The following RUNX1 variants were observed in gnomAD, a reference collection of about 807,000 sequenced individuals.
RUNX1 encodes the protein RUNX family transcription factor 1, also known as runt-related transcription factor 1.
RUNX1 carries 19 observed loss-of-function variants against 42.8 expected under a neutral mutation model. The observed-to-expected ratio is 0.44, with a 90% confidence interval of 0.31 to 0.65. The LOEUF (loss-of-function observed/expected upper bound fraction) is 0.65, where lower values mean the gene tolerates loss of function less well. Ranked by LOEUF, RUNX1 falls within the 30% of genes least tolerant of loss-of-function variation. RUNX1 has a pLI of 0.07. For missense variants in RUNX1, 528 were observed against 672.0 expected, an observed-to-expected ratio of 0.79 and a Z score of 2.37; for synonymous variants, 271 against 289.4, an observed-to-expected ratio of 0.94 and a Z score of 0.64.
chr21:34,792,359 A>G lies in RUNX1; in HGVS notation c.1219T>C (p.Tyr407His), dbSNP rs1262717333. ...QASSPSYHLY[Y>H]GASAGSYQFS... ...TGGTAGGAGCCGGCCGAGGCGCCGT[A>G]GTACAGGTGGTAGGAGGGCGAGCTG... Residue 407 changes from tyrosine (Y) to histidine (H), a missense_variant, in exon 9 of 9, where the codon TAC becomes CAC. Physicochemically the swap from Tyr to His is moderately conservative, Grantham distance 83 (BLOSUM62 2). Coordinates refer to ENST00000675419, the MANE Select transcript of RUNX1 (RefSeq NM_001754.5). The surrounding 1 kb of genome is among the most constrained non-coding windows in gnomAD (Gnocchi z 6.9). 4 of 1,550,476 alleles carry G rather than the reference A, an allele frequency of 2.6e-6. No individual in the cohort carries two copies. The highest frequency in any genetic ancestry group is 3.5e-6 in the Non-Finnish European group (4 of 1,146,558).
chr21:34,967,856 C>T (rs1027263957), intron 2 of RUNX1, among the ~76,000 whole-genome samples: 1 of 152,202 alleles, frequency 6.6e-6, no homozygotes, highest in Non-Finnish European at 1.5e-5. Context: ...CATATAATCA[C>T]CAATTGCTGA....
At chr21:34,825,248 T>C (rs2146022442) in intron 7 of RUNX1, among the ~76,000 whole-genome samples, 1 of 152,300 alleles carries the variant, frequency 6.6e-6, no homozygotes, top group East Asian at 1.9e-4. Context: ...GTTCCCATTT[T>C]TCTGTTCCTA....
intron 2 of RUNX1, among the ~76,000 whole-genome samples, chr21:34,919,716 T>C (rs913994165): frequency 6.6e-6 from 1 of 152,230 alleles, no homozygotes; most frequent in Non-Finnish European, 1.5e-5. Flanking sequence ...ATTCAGGAAG[T>C]GGCATGCATT....
At chr21:34,888,710 G>C in intron 3 of RUNX1, 2 of 1,032,688 alleles carry the variant, frequency 1.9e-6, no homozygotes, top group Non-Finnish European at 2.3e-6. Context: ...GCCTGGAAAT[G>C]AACGTGCTTT....
At chr21:34,931,441 C>T (rs899328783) in intron 2 of RUNX1, among the ~76,000 whole-genome samples, 43 of 141,312 alleles carry the variant, frequency 3.0e-4, no homozygotes, top group South Asian at 4.3e-4. Context: ...TAAATGTATA[C>T]AATATATTAT....
chr21:34,913,260 G>T (rs1009519715), intron 2 of RUNX1, among the ~76,000 whole-genome samples: 7 of 152,072 alleles, frequency 4.6e-5, no homozygotes, highest in African/African-American at 1.4e-4. Context: ...GAAGGAGAAG[G>T]AGAAGAGAAA....
intron 2 of RUNX1, among the ~76,000 whole-genome samples, chr21:34,990,083 GGACT>G (rs1157415870): frequency 6.6e-6 from 1 of 152,014 alleles, no homozygotes; most frequent in Non-Finnish European, 1.5e-5. Context: ...TTCTGCACAG[GGACT>G]GACTCAAGGC....
chr21:34,941,987 T>C (rs1418786486), intron 2 of RUNX1, among the ~76,000 whole-genome samples: 4 of 152,192 alleles, frequency 2.6e-5, no homozygotes, highest in Non-Finnish European at 5.9e-5. Flanking sequence ...TATCATCTGA[T>C]TCCTCAAGGA....
chr21:34,946,866 G>A lies in RUNX1; in HGVS notation c.59-53903C>T, dbSNP rs145076980. Among the ~76,000 whole-genome samples, 199 of 152,272 alleles carry A rather than the reference G, an allele frequency of 1.3e-3. 2 individuals carry two copies. The highest frequency in any genetic ancestry group is 4.4e-3 in the African/African-American group (184 of 41,554). On this transcript the variant is annotated intron_variant, in intron 2 of 8. Transcript: ENST00000675419. ...ACTCTACATGTAGGCATCACATGTC[G>A]CTGAGCTCCAGAGAAAAGGCAAGCT...
At chr21:34,917,995 G>T (rs1011882629) in intron 2 of RUNX1, among the ~76,000 whole-genome samples, 4 of 151,922 alleles carry the variant, frequency 2.6e-5, no homozygotes, top group Non-Finnish European at 5.9e-5. Flanking sequence ...TAGGCTTGGT[G>T]GTGGGTGCCT....
chr21:34,889,009 G>A (rs2058041101), intron 3 of RUNX1, among the ~76,000 whole-genome samples: 1 of 151,294 alleles, frequency 6.6e-6, no homozygotes, highest in Non-Finnish European at 1.5e-5. Context: ...GCGGCTCCGC[G>A]AGTGGCCACG....
At chr21:34,883,651 T>C (rs974886354) in intron 4 of RUNX1, among the ~76,000 whole-genome samples, 5 of 152,228 alleles carry the variant, frequency 3.3e-5, no homozygotes, top group African/African-American at 1.2e-4. Context: ...CAAAGATATC[T>C]CATATTTTGT....
chr21:35,041,664 T>C (rs555969901), intron 2 of RUNX1, among the ~76,000 whole-genome samples: 20 of 146,928 alleles, frequency 1.4e-4, no homozygotes, highest in Admixed American at 3.4e-4. Flanking sequence ...TTCTTTCTTT[T>C]TTTTTTTTTT....
At chr21:35,009,016 TG>T (rs1424793247) in intron 2 of RUNX1, among the ~76,000 whole-genome samples, 2 of 152,176 alleles carry the variant, frequency 1.3e-5, no homozygotes, top group Non-Finnish European at 2.9e-5. Context: ...GTCGTGTGTG[TG>T]TTGAATTACA....
rs117314299 is a variant in RUNX1, at chr21:34,876,193, T to C, written c.508+4364A>G. Reference sequence around the variant, plus strand: ...AGCGACTGTCCTTTCAATGACAGAATAGGCCCCCTCCCCTTTACCCGTGAT... The same window carrying C: ...AGCGACTGTCCTTTCAATGACAGAACAGGCCCCCTCCCCTTTACCCGTGAT... On this transcript the variant is annotated intron_variant, in intron 5 of 8. Coordinates refer to ENST00000675419, the MANE Select transcript of RUNX1 (RefSeq NM_001754.5). 7.5e-4 allele frequency among the ~76,000 whole-genome samples: 114 copies of C among 152,294 alleles called. 2 individuals are homozygous for C. The East Asian group carries it at 0.012, about 16-fold the overall frequency.
chr21:34,951,355 T>C (rs910616170), intron 2 of RUNX1, among the ~76,000 whole-genome samples: 1 of 152,234 alleles, frequency 6.6e-6, no homozygotes, highest in Non-Finnish European at 1.5e-5. Context: ...TTATGGAAGC[T>C]CTTTAGTTTA....
chr21:35,011,538 T>C (rs1016802813), intron 2 of RUNX1, among the ~76,000 whole-genome samples: 2 of 152,132 alleles, frequency 1.3e-5, no homozygotes, highest in African/African-American at 4.8e-5. Context: ...CTTGGCATTA[T>C]CCATAGGAAA....
chr21:34,918,021 C>T (rs2058324880), intron 2 of RUNX1, among the ~76,000 whole-genome samples: 1 of 148,200 alleles, frequency 6.7e-6, no homozygotes, highest in Non-Finnish European at 1.5e-5. Flanking sequence ...ACCAGCTACT[C>T]AGGGGGCTAA....
intron 2 of RUNX1, among the ~76,000 whole-genome samples, chr21:35,031,930 C>A (rs1187098943): frequency 6.6e-6 from 1 of 152,174 alleles, no homozygotes; most frequent in Non-Finnish European, 1.5e-5. Flanking sequence ...AAGGAACATT[C>A]CTGAATGGAA....
Sources: allele counts gnomAD v4.1 joint callset (sites outside exome capture counted in the v4.1 genomes callset), GRCh38; gene constraint gnomAD v4.1.1; non-coding constraint Gnocchi (gnomAD v3.1); transcripts MANE v1.5; gene names NCBI Gene and HGNC (gene_info 2026-07-23, HGNC 2026-07-21).